The following ABCC9 variants were observed in gnomAD, a reference collection of about 807,000 sequenced individuals.
ABCC9 encodes the protein ATP binding cassette subfamily C member 9.
Under a neutral mutation model 188.3 loss-of-function variants are expected in ABCC9, and 95 were observed. The observed-to-expected ratio is 0.50, with a 90% confidence interval of 0.43 to 0.60. ABCC9 has a LOEUF of 0.60. Ranked by LOEUF, ABCC9 falls within the 20% of genes least tolerant of loss-of-function variation. ABCC9 has a pLI of 0.00. For missense variants in ABCC9, 1,102 were observed against 1,876.3 expected (o/e 0.59, Z 7.62); for synonymous variants, 659 against 652.7 (o/e 1.01, Z -0.15).
At chr12:21,879,369 A>C (rs928606744) in intron 16 of ABCC9, among the ~76,000 whole-genome samples, 5 of 152,194 alleles carry the variant, frequency 3.3e-5, no homozygotes, top group African/African-American at 1.2e-4. Context: ...TAGACACAAA[A>C]TGTCACCTAG....
At chr12:21,939,254 C>A (rs543927152) in intron 2 of ABCC9, among the ~76,000 whole-genome samples, 1 of 152,144 alleles carries the variant, frequency 6.6e-6, no homozygotes, top group African/African-American at 2.4e-5. Context: ...CGCATGTCTC[C>A]TTTCACCTTT....
chr12:21,808,356 C>T (rs1020057971), intron 37 of ABCC9, among the ~76,000 whole-genome samples: 2 of 152,040 alleles, frequency 1.3e-5, no homozygotes, highest in Non-Finnish European at 1.5e-5. Flanking sequence ...TGATGAGCAC[C>T]ATATTCAGTC....
At chr12:21,893,553 G>A (rs936380546) in intron 14 of ABCC9, among the ~76,000 whole-genome samples, 5 of 152,138 alleles carry the variant, frequency 3.3e-5, no homozygotes, top group African/African-American at 4.8e-5. Context: ...CCTCAAAGAT[G>A]TGCATATTAT....
intron 31 of ABCC9, chr12:21,827,209 G>A (rs997527401): frequency 1.0e-6 from 1 of 985,350 alleles, no homozygotes; most frequent in African/African-American, 1.7e-5. Flanking sequence ...TTTCTTGGCA[G>A]TCTTAAGGCT....
chr12:21,883,539 G>C (rs1946727914), intron 15 of ABCC9, among the ~76,000 whole-genome samples: 1 of 152,084 alleles, frequency 6.6e-6, no homozygotes, highest in Non-Finnish European at 1.5e-5. Flanking sequence ...CCCAGTCTCA[G>C]GTATGTCTTT....
intron 4 of ABCC9, 50 bp from the exon 5 acceptor site, chr12:21,926,113 T>C (rs1949034503): frequency 6.2e-7 from 1 of 1,612,750 alleles, no homozygotes; most frequent in Non-Finnish European, 8.5e-7. Context: ...CCAGATAATT[T>C]CTTATTTTTT....
At position 21,862,972 on chromosome 12, in the gene ABCC9, T is replaced by G. The variant is rs1665334780; in HGVS notation, c.2320A>C (p.Ser774Arg). The G allele has an allele frequency of 6.2e-7, 1 of 1,610,214 alleles. No homozygotes were observed. The highest frequency in any genetic ancestry group is 1.7e-5 in the Admixed American group (1 of 59,896). The change falls in exon 20 of 40, where the codon AGT becomes CGT. Residue 774 changes from serine (S) to arginine (R), a missense_variant. This residue lies in a region of ABCC9 where 258 missense variants were observed against 325.6 expected (regional missense o/e 0.79). Transcript: ENST00000261200. The part of the protein sequence containing the change: ...ATVEENITFG[S>R]PFNKQRYKAV... ...AATTACCTCTGTTTGTTAAAAGGAC[T>G]TCCAAAAGTAATATTTTCTTCTACT...
chr12:21,890,369 AC>A (rs1019219021), intron 14 of ABCC9, among the ~76,000 whole-genome samples: 1 of 152,084 alleles, frequency 6.6e-6, no homozygotes, highest in African/African-American at 2.4e-5. Flanking sequence ...CCACATCAGA[AC>A]CCTTCCTCCA....
At position 21,800,127 on chromosome 12, in the gene ABCC9, T is replaced by C. The variant is rs1026991276; in HGVS notation, c.*917A>G. The C allele has an allele frequency of 6.6e-6, 1 of 152,166 alleles. No homozygotes were observed. The highest frequency in any genetic ancestry group is 2.4e-5 in the African/African-American group (1 of 41,440). 9.4% of individuals were successfully genotyped at this position (152,166 alleles called of 1,614,324 possible). The stretch of plus-strand genomic sequence containing the variant: ...ATCTCCAGCCTGCCAGTGGACTGTT[T>C]CATAGGAAATATCTCACACCTGAGA... On this transcript the variant is annotated 3_prime_UTR_variant, in exon 40 of 40. Coordinates refer to ENST00000261200, the MANE Select transcript of ABCC9 (RefSeq NM_020297.4).
At chr12:21,931,797 C>G (rs1949300443) in intron 4 of ABCC9, among the ~76,000 whole-genome samples, 1 of 152,104 alleles carries the variant, frequency 6.6e-6, no homozygotes, top group Non-Finnish European at 1.5e-5. Flanking sequence ...AATAAATATA[C>G]CAGCATTTTA....
At chr12:21,838,682 T>C (rs1160388764) in intron 29 of ABCC9, among the ~76,000 whole-genome samples, 1 of 151,830 alleles carries the variant, frequency 6.6e-6, no homozygotes, top group Non-Finnish European at 1.5e-5. Flanking sequence ...CTTGTAAGGG[T>C]GACAGTGGAT....
chr12:21,900,199 G>T (rs1015275198), intron 12 of ABCC9, among the ~76,000 whole-genome samples: 1 of 152,152 alleles, frequency 6.6e-6, no homozygotes. Flanking sequence ...AGGCAAACAG[G>T]GTCTGGAGTG....
At chr12:21,875,757 T>C (rs1946309892) in intron 16 of ABCC9, 31 bp from the exon 17 acceptor site, 1 of 1,496,192 alleles carries the variant, frequency 6.7e-7, no homozygotes, top group East Asian at 2.3e-5. Context: ...AATTAAATTA[T>C]ATGTGTGGTA....
Position 21,800,904 on chromosome 12 carries a change from C to T in ABCC9, c.*140G>A. 4.1e-6 allele frequency: 4 copies of T among 972,112 alleles called. No individual in the cohort carries two copies. The South Asian group carries it at 6.1e-5, about 15-fold the overall frequency. The allele number at this position is 972,112 out of a possible 1,614,324, so 60.2% of individuals were successfully genotyped here. A position where few individuals can be genotyped will look rare whatever the true frequency, so the allele number is the denominator to read the frequency against. ...ATATCTTGAAAAACTGTTTTAAAAACAGGAAAAATAAATGTCCACTTTTTG... is the reference window on the plus strand; with the variant it reads ...ATATCTTGAAAAACTGTTTTAAAAATAGGAAAAATAAATGTCCACTTTTTG... On this transcript the variant is annotated 3_prime_UTR_variant, in exon 40 of 40. Coordinates refer to ENST00000261200, the MANE Select transcript of ABCC9 (RefSeq NM_020297.4).
At chr12:21,866,897 TAAG>T (rs977037324) in intron 18 of ABCC9, among the ~76,000 whole-genome samples, 2 of 152,056 alleles carry the variant, frequency 1.3e-5, no homozygotes, top group South Asian at 2.1e-4. Context: ...GATTGAGAGA[TAAG>T]AAAGACCATT....
chr12:21,869,002 A>T (rs1171813153), intron 18 of ABCC9, among the ~76,000 whole-genome samples: 2 of 152,180 alleles, frequency 1.3e-5, no homozygotes, highest in Non-Finnish European at 2.9e-5. Flanking sequence ...GATATTAAGG[A>T]TATTATGAAA....
chr12:21,896,100 C>CTT (rs1565458198), intron 12 of ABCC9, among the ~76,000 whole-genome samples: 1 of 25,138 alleles, frequency 4.0e-5, no homozygotes, highest in South Asian at 1.7e-3. Flanking sequence ...TTTTTTTTTA[C>CTT]TTTTCTTTTT....
chr12:21,902,195 C>T (rs1290646941), intron 12 of ABCC9, among the ~76,000 whole-genome samples: 1 of 152,168 alleles, frequency 6.6e-6, no homozygotes, highest in Non-Finnish European at 1.5e-5. Flanking sequence ...TCCTGAATGA[C>T]CACTGGGTAC....
intron 29 of ABCC9, among the ~76,000 whole-genome samples, chr12:21,838,489 T>A (rs1455522735): frequency 6.6e-6 from 1 of 152,148 alleles, no homozygotes; most frequent in Non-Finnish European, 1.5e-5. Flanking sequence ...TGGTGGGATT[T>A]TCCTTAAGCG....
Sources: gnomAD v4.1 joint callset for allele counts (sites outside exome capture counted in the v4.1 genomes callset) on GRCh38, gnomAD v4.1.1 for gene constraint, gnomAD v4.1.1 regional missense constraint, MANE v1.5 for transcripts, NCBI Gene and HGNC (gene_info 2026-07-23, HGNC 2026-07-21) for gene names.